ADARB2: variants seen among roughly 807,000 people sequenced by gnomAD.
The protein encoded by ADARB2 is adenosine deaminase RNA specific B2 (inactive).
A neutral mutation model predicts 62.2 loss-of-function variants in ADARB2; 25 were observed. The ratio of observed to expected loss-of-function variants is 0.40; its 90% CI spans 0.29 to 0.56. ADARB2 has a LOEUF of 0.56. ADARB2 is among the 20% of genes least tolerant of loss of function. ADARB2 has a pLI of 0.43. For synonymous variants in ADARB2, 572 were observed against 500.8 expected (o/e 1.14, Z -1.90); for missense variants, 1,071 against 1,077.4 (o/e 0.99, Z 0.08).
In ADARB2 at chr10:1,264,975, C is replaced by G. The variant is rs547244146; in HGVS notation, c.1192+5980G>C. On this transcript the variant is annotated intron_variant, in intron 4 of 9. Coordinates refer to ENST00000381312, the MANE Select transcript of ADARB2 (RefSeq NM_018702.4). ...TTTAAACATGACCCCCTAATGTACT[C>G]TAGAAAACTCCTTTTTTCTAGTTAT... Among the ~76,000 whole-genome samples the G allele has an allele frequency of 9.2e-5, 14 of 152,304 alleles. No homozygotes were observed. In the East Asian group the frequency reaches 2.7e-3, roughly 29 times the overall value.
intron 1 of ADARB2, among the ~76,000 whole-genome samples, chr10:1,733,334 T>C (rs1835257386): frequency 2.0e-5 from 3 of 152,200 alleles, no homozygotes; most frequent in African/African-American, 7.2e-5. Flanking sequence ...ATTTTACACA[T>C]TGTACACAGT....
intron 1 of ADARB2, among the ~76,000 whole-genome samples, chr10:1,461,200 C>A (rs1021327947): frequency 3.9e-5 from 6 of 152,168 alleles, no homozygotes; most frequent in Non-Finnish European, 7.4e-5. Flanking sequence ...ATATCAATGA[C>A]ATCATGACAA....
At position 1,263,896 on chromosome 10, in the gene ADARB2, T is replaced by C. The variant is rs546979827; in HGVS notation, c.1192+7059A>G. On this transcript the variant is annotated intron_variant, in intron 4 of 9. Coordinates refer to ENST00000381312, the MANE Select transcript of ADARB2 (RefSeq NM_018702.4). ...TCCAGTCATTGATTTTCTTTTCCTC[T>C]CCATTTTGAGGAGGGATGTTTAGTA... Among the ~76,000 whole-genome samples, 18 of 152,302 alleles carry C rather than the reference T, an allele frequency of 1.2e-4. No homozygotes were observed. In the South Asian group the frequency reaches 2.1e-3, roughly 18 times the overall value.
intron 1 of ADARB2, among the ~76,000 whole-genome samples, chr10:1,593,743 G>T (rs1316533634): frequency 6.6e-6 from 1 of 152,206 alleles, no homozygotes; most frequent in African/African-American, 2.4e-5. Flanking sequence ...CATGGACAAG[G>T]TTGATGATGG....
At chr10:1,473,935 C>T (rs1588270670) in intron 1 of ADARB2, among the ~76,000 whole-genome samples, 1 of 152,340 alleles carries the variant, frequency 6.6e-6, no homozygotes, top group East Asian at 1.9e-4. Flanking sequence ...CGGAGGAGCC[C>T]TTGGCAGGGG....
In ADARB2 at chr10:1,529,386, C is replaced by G. The variant is rs116472782; in HGVS notation, c.101-150226G>C. 5.8e-3 allele frequency among the ~76,000 whole-genome samples: 886 copies of G among 152,290 alleles called. 6 individuals are homozygous for G. Among genetic ancestry groups the G allele is most frequent in the African/African-American group, 0.016 (667 of 41,540 alleles). ...ATGCACCATGCCCAACACTGCGAGTCCCCCACAGATTGAGGGGGAAGATTA... is the reference window on the plus strand; with the variant it reads ...ATGCACCATGCCCAACACTGCGAGTGCCCCACAGATTGAGGGGGAAGATTA... On this transcript the variant is annotated intron_variant, in intron 1 of 9. Transcript: ENST00000381312.
At chr10:1,381,169 C>CAT (rs796770537) in intron 1 of ADARB2, among the ~76,000 whole-genome samples, 15 of 32,340 alleles carry the variant, frequency 4.6e-4, no homozygotes, top group South Asian at 7.6e-3. Flanking sequence ...TATATTTGTG[C>CAT]ATATACACAC....
chr10:1,517,886 G>C (rs1832025500), intron 1 of ADARB2, among the ~76,000 whole-genome samples: 1 of 152,142 alleles, frequency 6.6e-6, no homozygotes, highest in African/African-American at 2.4e-5. Flanking sequence ...GGGTTCCCAA[G>C]CCAGCCTTTC....
At chr10:1,678,343 G>A in intron 1 of ADARB2, 1 of 985,204 alleles carries the variant, frequency 1.0e-6, no homozygotes, top group Non-Finnish European at 1.2e-6. Context: ...CTCGGGGTGA[G>A]GGACCTCGGA....
Position 1,233,623 on chromosome 10 carries a change from C to G in ADARB2, c.1513+71G>C, listed in dbSNP as rs1051649444. The G allele has an allele frequency of 4.7e-6, 7 of 1,502,992 alleles. No homozygotes were observed. The African/African-American group carries it at 5.6e-5, about 12-fold the overall frequency. The allele number at this position is 1,502,992 out of a possible 1,614,324, so 93.1% of individuals were successfully genotyped here. On this transcript the variant is annotated intron_variant, in intron 6 of 9. Transcript: ENST00000381312. ...CGCCCCTGCCCTGGGCTGTGAAAGC[C>G]CAGGACAGAGTCCCAGATAGAGGGA...
At chr10:1,202,849 G>A (rs1007623579) in intron 7 of ADARB2, among the ~76,000 whole-genome samples, 2 of 152,228 alleles carry the variant, frequency 1.3e-5, no homozygotes, top group African/African-American at 2.4e-5. Flanking sequence ...GTTAGAGGCC[G>A]TCAGAGCACG....
At chr10:1,424,681 G>A (rs1346217789) in intron 1 of ADARB2, among the ~76,000 whole-genome samples, 1 of 152,078 alleles carries the variant, frequency 6.6e-6, no homozygotes, top group East Asian at 1.9e-4. Context: ...AAAAGTAAAA[G>A]GCACAGATGG....
chr10:1,360,434 C>A (rs1260448780), intron 3 of ADARB2, among the ~76,000 whole-genome samples: 1 of 152,206 alleles, frequency 6.6e-6, no homozygotes, highest in Non-Finnish European at 1.5e-5. Flanking sequence ...GGACAGGAAG[C>A]AAGCTGTGTA....
rs557829877 is a variant in ADARB2 at position 1,347,014 on chromosome 10, C to T, written c.1077+16014G>A. ...ATGTTGACCTATGGACATCTTAACA[C>T]GGGTTCTATTTTCTCAGGATGTGAG... On this transcript the variant is annotated intron_variant, in intron 3 of 9. Coordinates refer to ENST00000381312, the MANE Select transcript of ADARB2 (RefSeq NM_018702.4). 1.1e-3 allele frequency among the ~76,000 whole-genome samples: 167 copies of T among 152,328 alleles called. 2 individuals carry two copies. Among genetic ancestry groups the T allele is most frequent in the Middle Eastern group, 6.8e-3 (2 of 294 alleles).
intron 8 of ADARB2, among the ~76,000 whole-genome samples, chr10:1,197,875 G>T (rs2131740644): frequency 6.6e-6 from 1 of 152,286 alleles, no homozygotes; most frequent in Middle Eastern, 3.4e-3. Flanking sequence ...CCTCAGCTTG[G>T]TGGAACAGCC....
In ADARB2 at chr10:1,723,186, C is replaced by A. The variant is rs115271305; in HGVS notation, c.100+13865G>T. 6.2e-3 allele frequency among the ~76,000 whole-genome samples: 948 copies of A among 152,342 alleles called. 11 individuals carry two copies. The highest frequency in any genetic ancestry group is 0.022 in the African/African-American group (916 of 41,574). ...AGCTTTTACGGCCACTGCTAACACA[C>A]TGTTTCTGAGACTTCTGTTTTAACA... On this transcript the variant is annotated intron_variant, in intron 1 of 9. Coordinates refer to ENST00000381312, the MANE Select transcript of ADARB2 (RefSeq NM_018702.4).
intron 1 of ADARB2, among the ~76,000 whole-genome samples, chr10:1,555,653 G>A (rs1832689383): frequency 6.6e-6 from 1 of 152,160 alleles, no homozygotes; most frequent in South Asian, 2.1e-4. Flanking sequence ...AACATATATG[G>A]GCCGGGCGCG....
At chr10:1,312,676 A>T (rs915263906) in intron 3 of ADARB2, among the ~76,000 whole-genome samples, 26 of 152,160 alleles carry the variant, frequency 1.7e-4, no homozygotes, top group African/African-American at 5.3e-4. Context: ...GAGGAAAAAG[A>T]CGCAGGGAGG....
At chr10:1,447,320 T>TAA (rs1222161342) in intron 1 of ADARB2, among the ~76,000 whole-genome samples, 1 of 152,244 alleles carries the variant, frequency 6.6e-6, no homozygotes, top group East Asian at 1.9e-4. Context: ...TTCTCATCTG[T>TAA]AAAATGGGAT....
Sources: allele counts gnomAD v4.1 joint callset (sites outside exome capture counted in the v4.1 genomes callset), GRCh38; gene constraint gnomAD v4.1.1; transcripts MANE v1.5; gene names NCBI Gene and HGNC (gene_info 2026-07-23, HGNC 2026-07-21).